Variants in TTC28 observed in about 807,000 individuals in gnomAD.
TTC28 encodes tetratricopeptide repeat protein 28.
TTC28 carries 61 observed loss-of-function variants against 198.0 expected under a neutral mutation model. That is an observed-to-expected ratio of 0.31 (90% CI 0.25 to 0.38). The LOEUF is 0.38. Ranked by LOEUF, TTC28 falls within the 10% of genes least tolerant of loss-of-function variation. The probability of loss-of-function intolerance (pLI) is 1.00; values close to 1 mark genes in which losing one functional copy is unlikely to be tolerated. For synonymous variants in TTC28, 1,171 were observed against 1,297.8 expected (o/e 0.90, Z 2.10); for missense variants, 2,678 against 3,164.0 (o/e 0.85, Z 3.69).
chr22:28,379,002 T>A (rs1014570736), intron 2 of TTC28, among the ~76,000 whole-genome samples: 6 of 151,490 alleles, frequency 4.0e-5, no homozygotes, highest in Admixed American at 6.6e-5. Flanking sequence ...AAAGAAAAAA[T>A]CTTAAAAGCA....
intron 2 of TTC28, among the ~76,000 whole-genome samples, chr22:28,621,979 C>T (rs1376519773): frequency 6.6e-6 from 1 of 152,030 alleles, no homozygotes; most frequent in Non-Finnish European, 1.5e-5. Context: ...TAGGGGAGAT[C>T]CTGCTGGACT....
At chr22:28,255,698 G>C (rs1930859001) in intron 5 of TTC28, among the ~76,000 whole-genome samples, 1 of 150,926 alleles carries the variant, frequency 6.6e-6, no homozygotes, top group South Asian at 2.1e-4. Flanking sequence ...AAAAAAAAAG[G>C]TTCTAGTATG....
At chr22:28,168,624 G>C (rs1233403630) in intron 5 of TTC28, among the ~76,000 whole-genome samples, 1 of 152,144 alleles carries the variant, frequency 6.6e-6, no homozygotes, top group Non-Finnish European at 1.5e-5. Context: ...GCCATATGTA[G>C]AAAGCTGAAA....
intron 17 of TTC28, 121 bp from the exon 18 acceptor site, chr22:27,993,639 C>T: frequency 1.0e-6 from 1 of 986,904 alleles, no homozygotes; most frequent in Non-Finnish European, 1.5e-6. Flanking sequence ...CCCACATAGC[C>T]CACGTGGCCA....
At chr22:28,241,194 GA>G (rs1285292350) in intron 5 of TTC28, among the ~76,000 whole-genome samples, 1 of 152,130 alleles carries the variant, frequency 6.6e-6, no homozygotes, top group African/African-American at 2.4e-5. Context: ...GATGTACTGA[GA>G]AGAATAAGTA....
chr22:28,308,824 T>C (rs2045196733), intron 2 of TTC28, among the ~76,000 whole-genome samples: 2 of 152,324 alleles, frequency 1.3e-5, no homozygotes, highest in Admixed American at 1.3e-4. Context: ...TGGTCTTCCC[T>C]TATGCCCTTC....
intron 6 of TTC28, among the ~76,000 whole-genome samples, chr22:28,108,933 CA>C (rs919159273): frequency 6.6e-6 from 1 of 152,046 alleles, no homozygotes. Flanking sequence ...AATTAGCAAA[CA>C]AAAAAATTAA....
At chr22:28,542,196 G>C (rs910476666) in intron 2 of TTC28, among the ~76,000 whole-genome samples, 2 of 152,082 alleles carry the variant, frequency 1.3e-5, no homozygotes, top group Middle Eastern at 3.4e-3. Context: ...AAACTCACTA[G>C]ATAAATTAAC....
intron 2 of TTC28, among the ~76,000 whole-genome samples, chr22:28,603,387 GT>G (rs139484975): frequency 6.9e-6 from 1 of 144,012 alleles, no homozygotes; most frequent in Non-Finnish European, 1.5e-5. Context: ...TTTTTTTTTT[GT>G]TTTTTGTTTT....
intron 2 of TTC28, among the ~76,000 whole-genome samples, chr22:28,502,368 C>A (rs1040713607): frequency 9.9e-5 from 15 of 151,960 alleles, no homozygotes; most frequent in Non-Finnish European, 1.9e-4. Context: ...GGGCCAGGCG[C>A]AGTGGCTTAT....
chr22:28,619,841 G>A (rs1287599311), intron 2 of TTC28, among the ~76,000 whole-genome samples: 1 of 152,120 alleles, frequency 6.6e-6, no homozygotes, highest in African/African-American at 2.4e-5. Flanking sequence ...AAGCCAGGGT[G>A]GAAAAATGGT....
At chr22:28,451,271 A>C (rs1430249657) in intron 2 of TTC28, among the ~76,000 whole-genome samples, 1 of 152,194 alleles carries the variant, frequency 6.6e-6, no homozygotes, top group East Asian at 1.9e-4. Context: ...AGACCTCAGA[A>C]AGGTCATGTC....
intron 2 of TTC28, among the ~76,000 whole-genome samples, chr22:28,560,127 G>T (rs946544746): frequency 2.0e-5 from 3 of 152,200 alleles, no homozygotes; most frequent in Non-Finnish European, 4.4e-5. Context: ...GGACCTCTGA[G>T]TCATCCTTGA....
intron 12 of TTC28, among the ~76,000 whole-genome samples, chr22:28,081,893 A>C (rs1401533265): frequency 3.9e-5 from 6 of 152,184 alleles, no homozygotes; most frequent in Non-Finnish European, 8.8e-5. Flanking sequence ...TGATCATAGG[A>C]TATCTTCCCA....
intron 2 of TTC28, among the ~76,000 whole-genome samples, chr22:28,427,392 G>T (rs1269226200): frequency 3.9e-5 from 6 of 152,138 alleles, no homozygotes; most frequent in African/African-American, 4.8e-5. Context: ...GGTGGCTCAC[G>T]CCTGTAATCC....
chr22:28,172,508 C>T (rs1031636179), intron 5 of TTC28, among the ~76,000 whole-genome samples: 2 of 152,196 alleles, frequency 1.3e-5, no homozygotes, highest in African/African-American at 4.8e-5. Flanking sequence ...AAATGATAGC[C>T]CTGGCATCTT....
At chr22:28,137,964 G>A (rs1201453446) in intron 6 of TTC28, among the ~76,000 whole-genome samples, 6 of 152,180 alleles carry the variant, frequency 3.9e-5, no homozygotes, top group South Asian at 2.1e-4. Flanking sequence ...GCAGTGAGCC[G>A]AGATCGCGCC....
intron 2 of TTC28, among the ~76,000 whole-genome samples, chr22:28,452,650 T>C (rs1343485306): frequency 6.6e-6 from 1 of 152,106 alleles, no homozygotes; most frequent in African/African-American, 2.4e-5. Context: ...CATGAGAGAA[T>C]AACCATAGTC....
At chr22:28,410,545 C>T (rs976082298) in intron 2 of TTC28, among the ~76,000 whole-genome samples, 6 of 152,086 alleles carry the variant, frequency 3.9e-5, no homozygotes, top group African/African-American at 7.2e-5. Flanking sequence ...AGATTGTATT[C>T]GTGTGAGAGA....
Sources: allele counts gnomAD v4.1 joint callset (sites outside exome capture counted in the v4.1 genomes callset), GRCh38; gene constraint gnomAD v4.1.1; transcripts MANE v1.5; gene names NCBI Gene and HGNC (gene_info 2026-07-23, HGNC 2026-07-21).